CHST9: variants seen among roughly 807,000 people sequenced by gnomAD.
CHST9 encodes carbohydrate sulfotransferase 9.
CHST9 carries 41 observed loss-of-function variants against 44.4 expected under a neutral mutation model. That is an observed-to-expected ratio of 0.92 (90% CI 0.72 to 1.20). The LOEUF (loss-of-function observed/expected upper bound fraction) is 1.20, where lower values mean the gene tolerates loss of function less well. Ranked by LOEUF, CHST9 falls within the 50% of genes most tolerant of loss-of-function variation. The probability of loss-of-function intolerance (pLI) is 0.00; values close to 1 mark genes in which losing one functional copy is unlikely to be tolerated. For synonymous variants in CHST9, 171 were observed against 178.4 expected (o/e 0.96, Z 0.33); for missense variants, 504 against 516.5 (o/e 0.98, Z 0.23).
chr18:27,060,603 G>GGCAGTAACTTTCTAGCTTTA (rs1290552262), intron 2 of CHST9, among the ~76,000 whole-genome samples: 2 of 152,136 alleles, frequency 1.3e-5, no homozygotes, highest in African/African-American at 4.8e-5. Flanking sequence ...GTCAGGGAAG[G>GGCAGTAACTTTCTAGCTTTA]GCAGTAACTT....
intron 2 of CHST9, among the ~76,000 whole-genome samples, chr18:27,079,992 C>T (rs1193964153): frequency 6.6e-6 from 1 of 152,088 alleles, no homozygotes; most frequent in Non-Finnish European, 1.5e-5. Flanking sequence ...CCCTTTTTCC[C>T]ATGTAAGGTT....
At chr18:27,032,118 T>G (rs1327150657) in intron 3 of CHST9, among the ~76,000 whole-genome samples, 5 of 152,146 alleles carry the variant, frequency 3.3e-5, no homozygotes, top group Non-Finnish European at 7.3e-5. Context: ...ACACGATCTA[T>G]CAAAGCTTCT....
chr18:26,925,639 A>G (rs151249), intron 5 of CHST9, among the ~76,000 whole-genome samples: 64,429 of 152,092 alleles, frequency 0.42, 14,155 homozygotes, highest in East Asian at 0.71. Context: ...GTCTTCTTCT[A>G]TCGTTTTCTC....
chr18:26,924,389 G>A (rs2055723603), intron 5 of CHST9, among the ~76,000 whole-genome samples: 1 of 152,100 alleles, frequency 6.6e-6, no homozygotes. Flanking sequence ...TTCGATTTCA[G>A]ACCTCTTGAG....
At chr18:26,939,749 G>C (rs1216369722) in intron 5 of CHST9, among the ~76,000 whole-genome samples, 2 of 152,196 alleles carry the variant, frequency 1.3e-5, no homozygotes, top group Non-Finnish European at 2.9e-5. Flanking sequence ...AAACAGGACG[G>C]ACCCTGGACT....
intron 4 of CHST9, among the ~76,000 whole-genome samples, chr18:27,014,288 A>G (rs146304128): frequency 6.6e-5 from 10 of 152,074 alleles, no homozygotes; most frequent in Admixed American, 1.3e-4. Flanking sequence ...ATTTAGCCTC[A>G]GGAGGTATGA....
chr18:27,058,501 C>G (rs1025663533), intron 2 of CHST9, among the ~76,000 whole-genome samples: 2 of 152,188 alleles, frequency 1.3e-5, no homozygotes, highest in Non-Finnish European at 2.9e-5. Context: ...AATCCCTAAG[C>G]TTAGGCCTTG....
intron 4 of CHST9, among the ~76,000 whole-genome samples, chr18:26,959,673 A>C (rs1407331742): frequency 1.3e-5 from 2 of 152,198 alleles, no homozygotes; most frequent in African/African-American, 4.8e-5. Flanking sequence ...GTTGCACTGA[A>C]CTTAAAGGTG....
In CHST9 at chr18:26,916,228, T is replaced by A. The variant is rs905692489; in HGVS notation, c.*31A>T. On this transcript the variant is annotated 3_prime_UTR_variant, in exon 6 of 6. Coordinates refer to ENST00000618847, the MANE Select transcript of CHST9 (RefSeq NM_031422.6). ...CTGATTTGAACTTATCATCATTAAGTATATACAGGGTTTTAGAAAATGAAT... is the reference window on the plus strand; with the variant it reads ...CTGATTTGAACTTATCATCATTAAGAATATACAGGGTTTTAGAAAATGAAT... 7.1e-7 allele frequency: 1 copy of A among 1,417,456 alleles called. No homozygotes were observed. The highest frequency in any genetic ancestry group is 2.3e-5 in the East Asian group (1 of 43,542). 87.8% of individuals were successfully genotyped at this position (1,417,456 alleles called of 1,614,324 possible).
chr18:26,972,642 G>T (rs1253703984), intron 4 of CHST9, among the ~76,000 whole-genome samples: 1 of 152,104 alleles, frequency 6.6e-6, no homozygotes, highest in Non-Finnish European at 1.5e-5. Context: ...TGTCAGAATT[G>T]GAGGCAGAAA....
chr18:26,975,227 G>C (rs887734580), intron 4 of CHST9, among the ~76,000 whole-genome samples: 1 of 152,132 alleles, frequency 6.6e-6, no homozygotes, highest in Non-Finnish European at 1.5e-5. Flanking sequence ...AGTGAGGGTG[G>C]GGGGAAGAGA....
At chr18:27,064,688 C>T (rs2057762381) in intron 2 of CHST9, among the ~76,000 whole-genome samples, 1 of 151,378 alleles carries the variant, frequency 6.6e-6, no homozygotes, top group South Asian at 2.1e-4. Flanking sequence ...GCTCCTGCCT[C>T]TGGTGATGAT....
intron 3 of CHST9, among the ~76,000 whole-genome samples, chr18:27,045,134 C>T (rs1270137911): frequency 6.6e-6 from 1 of 151,424 alleles, no homozygotes; most frequent in East Asian, 1.9e-4. Flanking sequence ...TTTAGGGATG[C>T]TCTAATGTAA....
chr18:27,071,712 G>A (rs1160035923), intron 2 of CHST9, among the ~76,000 whole-genome samples: 1 of 152,138 alleles, frequency 6.6e-6, no homozygotes, highest in Non-Finnish European at 1.5e-5. Flanking sequence ...GAAATTAGCT[G>A]CCAGGACAAA....
intron 4 of CHST9, among the ~76,000 whole-genome samples, chr18:27,015,539 C>A (rs1350462332): frequency 6.6e-6 from 1 of 152,130 alleles, no homozygotes; most frequent in Non-Finnish European, 1.5e-5. Context: ...ACACAGACCC[C>A]TGCCTCTCCT....
At chr18:27,118,885 A>G (rs1481662143) in intron 2 of CHST9, among the ~76,000 whole-genome samples, 2 of 152,194 alleles carry the variant, frequency 1.3e-5, no homozygotes, top group African/African-American at 4.8e-5. Context: ...TGCCTAAATA[A>G]TTATATGGTT....
chr18:27,165,753 G>C (rs1016111944), intron 1 of CHST9, among the ~76,000 whole-genome samples: 27 of 152,210 alleles, frequency 1.8e-4, no homozygotes, highest in Admixed American at 6.5e-4. Flanking sequence ...AGTTACAAAA[G>C]GGGTTGATTA....
intron 2 of CHST9, among the ~76,000 whole-genome samples, chr18:27,108,306 T>C (rs926847590): frequency 1.3e-5 from 2 of 152,100 alleles, no homozygotes; most frequent in Non-Finnish European, 2.9e-5. Context: ...TTTTAAAAAA[T>C]CATCAGTCAA....
At chr18:27,022,563 C>A (rs1231764750) in intron 4 of CHST9, among the ~76,000 whole-genome samples, 1 of 152,166 alleles carries the variant, frequency 6.6e-6, no homozygotes, top group African/African-American at 2.4e-5. Flanking sequence ...ATACACTACT[C>A]CCACATTCCC....
Sources: gnomAD v4.1 joint callset for allele counts (sites outside exome capture counted in the v4.1 genomes callset) on GRCh38, gnomAD v4.1.1 for gene constraint, MANE v1.5 for transcripts, NCBI Gene and HGNC (gene_info 2026-07-23, HGNC 2026-07-21) for gene names.